Variants in TDG observed in about 807,000 individuals in gnomAD.
TDG encodes the protein thymine DNA glycosylase, also known as G/T mismatch-specific thymine DNA glycosylase.
Under a neutral mutation model 46.1 loss-of-function variants are expected in TDG, and 23 were observed. The observed-to-expected ratio is 0.50, with a 90% CI of 0.36 to 0.71. TDG has a LOEUF of 0.71. Among genes scored for constraint, TDG ranks in the 30% least tolerant of loss-of-function variants. The probability of loss-of-function intolerance (pLI) is 0.00; values close to 1 mark genes in which losing one functional copy is unlikely to be tolerated. For synonymous variants in TDG, 115 were observed against 161.3 expected, an observed-to-expected ratio of 0.71 and a Z score of 2.18; for missense variants, 304 against 486.7, an observed-to-expected ratio of 0.62 and a Z score of 3.53.
At chr12:103,972,186 T>A (rs1871317046) in intron 1 of TDG, among the ~76,000 whole-genome samples, 1 of 152,208 alleles carries the variant, frequency 6.6e-6, no homozygotes, top group Non-Finnish European at 1.5e-5. Context: ...TGGTACGATC[T>A]TGGCTTACTG....
chr12:103,981,762 C>T (rs1490713914), intron 4 of TDG, among the ~76,000 whole-genome samples: 4 of 152,156 alleles, frequency 2.6e-5, no homozygotes, highest in African/African-American at 9.7e-5. Flanking sequence ...GTAATCCCAA[C>T]ACTTTGGGAG....
At chr12:103,985,001 A>G in intron 8 of TDG, 81 bp downstream of exon 8, 2 of 1,129,052 alleles carry the variant, frequency 1.8e-6, no homozygotes, top group South Asian at 4.2e-5. Context: ...ATACACATAT[A>G]CATATATACA....
In TDG at chr12:103,988,046, A is replaced by G. The variant is rs1344873737; in HGVS notation, c.*956A>G. On this transcript the variant is annotated 3_prime_UTR_variant, in exon 10 of 10. Coordinates refer to ENST00000392872, the MANE Select transcript of TDG (RefSeq NM_003211.6). Reference sequence around the variant, plus strand: ...GCTAGGTAAATCCAGTAAGCCAATAATTTTAAAGATTCTTTATCTGCATCA... The same window carrying G: ...GCTAGGTAAATCCAGTAAGCCAATAGTTTTAAAGATTCTTTATCTGCATCA... 2.0e-5 allele frequency: 3 copies of G among 152,728 alleles called. No homozygotes were observed. Among genetic ancestry groups the G allele is most frequent in the African/African-American group, 7.2e-5 (3 of 41,486 alleles). 9.5% of individuals were successfully genotyped at this position (152,728 alleles called of 1,614,324 possible). A position where few individuals can be genotyped will look rare whatever the true frequency, so the allele number is the denominator to read the frequency against.
At chr12:103,982,706 A>G in intron 4 of TDG, 93 bp from the exon 5 acceptor site, 1 of 1,375,142 alleles carries the variant, frequency 7.3e-7, no homozygotes, top group South Asian at 1.3e-5. Context: ...TCGAGGCTGC[A>G]CTGAGCCATG....
At chr12:103,977,169 C>G (rs1243102105) in intron 2 of TDG, 109 bp downstream of exon 2, 1 of 1,450,836 alleles carries the variant, frequency 6.9e-7, no homozygotes, top group East Asian at 2.4e-5. Context: ...AAAGTCAAAT[C>G]CACTTTTTAA....
intron 1 of TDG, among the ~76,000 whole-genome samples, chr12:103,968,660 G>A (rs1390782177): frequency 6.6e-6 from 1 of 152,184 alleles, no homozygotes; most frequent in African/African-American, 2.4e-5. Flanking sequence ...GCCTGCGTGT[G>A]TTGTGTTTCA....
At chr12:103,974,868 G>A (rs1011936887) in intron 1 of TDG, among the ~76,000 whole-genome samples, 35 of 151,540 alleles carry the variant, frequency 2.3e-4, no homozygotes, top group African/African-American at 8.0e-4. Flanking sequence ...CCAGCTACTC[G>A]GGAGGCTGAG....
At chr12:103,986,007 C>A (rs4135130) in intron 9 of TDG, among the ~76,000 whole-genome samples, 5,350 of 152,228 alleles carry the variant, frequency 0.035, 138 homozygotes, top group Middle Eastern at 0.061. Context: ...GCAAGCTCCC[C>A]CTCCTGGGTT....
chr12:103,980,146 A>C, intron 3 of TDG, 74 bp downstream of exon 3: 1 of 1,587,404 alleles, frequency 6.3e-7, no homozygotes, highest in South Asian at 1.2e-5. Flanking sequence ...TGTCCTTGCA[A>C]ATAGCATTTT....
intron 1 of TDG, 23 bp downstream of exon 1, chr12:103,966,083 C>A (rs55724185): frequency 5.8e-6 from 9 of 1,557,822 alleles, no homozygotes; most frequent in Non-Finnish European, 3.5e-6. Flanking sequence ...CCAGCGCCGC[C>A]CCTCCCTTGC....
chr12:103,981,226 C>CTTTTTTTT (rs11314473), intron 4 of TDG, among the ~76,000 whole-genome samples: 2 of 69,412 alleles, frequency 2.9e-5, no homozygotes, highest in Non-Finnish European at 5.3e-5. Flanking sequence ...AGTTGTACTA[C>CTTTTTTTT]TTTTTTTTTT....
intron 2 of TDG, 132 bp from the exon 3 acceptor site, chr12:103,979,699 A>G: frequency 8.9e-7 from 1 of 1,125,208 alleles, no homozygotes; most frequent in Non-Finnish European, 1.2e-6. Context: ...GAGGAGACTC[A>G]TGTTGGGACT....
rs138021216 is a variant in TDG, at chr12:103,979,661, T to C, written c.167-170T>C. ...ATGGGGGGTTGCACGAACCCAGTTC[T>C]AGGGAGAAAGAAAGGGAAGATATTG... On this transcript the variant is annotated intron_variant, in intron 2 of 9. Coordinates refer to ENST00000392872, the MANE Select transcript of TDG (RefSeq NM_003211.6). 6.4e-4 allele frequency among the ~76,000 whole-genome samples: 97 copies of C among 152,200 alleles called. 3 individuals carry two copies. In the East Asian group the frequency reaches 0.015, roughly 23 times the overall value.
chr12:103,971,600 G>A (rs115748081), intron 1 of TDG, among the ~76,000 whole-genome samples: 36 of 152,100 alleles, frequency 2.4e-4, no homozygotes, highest in African/African-American at 7.7e-4. Context: ...ATCTATGAGC[G>A]CTGCAGTTCA....
chr12:103,982,434 C>T (rs1871886828), intron 4 of TDG, among the ~76,000 whole-genome samples: 7 of 152,126 alleles, frequency 4.6e-5, no homozygotes. Context: ...CCTCAACCCC[C>T]TGTGAAAAGG....
At chr12:103,976,886 T>G in intron 1 of TDG, 32 bp from the exon 2 acceptor site, 1 of 1,608,718 alleles carries the variant, frequency 6.2e-7, no homozygotes. Context: ...GGTAATTTTA[T>G]CATTACATCT....
chr12:103,975,616 G>A (rs766538766), intron 1 of TDG, among the ~76,000 whole-genome samples: 6 of 152,064 alleles, frequency 3.9e-5, no homozygotes, highest in Non-Finnish European at 7.4e-5. Flanking sequence ...TGTGATAATA[G>A]CATTAACCCA....
intron 2 of TDG, among the ~76,000 whole-genome samples, chr12:103,979,087 A>G (rs1264545112): frequency 1.6e-5 from 2 of 128,174 alleles, no homozygotes; most frequent in African/African-American, 6.2e-5. Context: ...CCCACAAGCC[A>G]TTGTGTTTTT....
Position 103,988,039 on chromosome 12 carries a change from G to C in TDG, c.*949G>C, listed in dbSNP as rs1169650975. 6.5e-6 allele frequency: 1 copy of C among 152,710 alleles called. No homozygotes were observed. Among genetic ancestry groups the C allele is most frequent in the African/African-American group, 2.4e-5 (1 of 41,484 alleles). The allele number at this position is 152,710 out of a possible 1,614,324, so 9.5% of individuals were successfully genotyped here. The stretch of plus-strand genomic sequence containing the variant: ...TTTTCTTGCTAGGTAAATCCAGTAA[G>C]CCAATAATTTTAAAGATTCTTTATC... On this transcript the variant is annotated 3_prime_UTR_variant, in exon 10 of 10. Coordinates refer to ENST00000392872, the MANE Select transcript of TDG (RefSeq NM_003211.6).
Sources: allele counts gnomAD v4.1 joint callset (sites outside exome capture counted in the v4.1 genomes callset), GRCh38; gene constraint gnomAD v4.1.1; transcripts MANE v1.5; gene names NCBI Gene and HGNC (gene_info 2026-07-23, HGNC 2026-07-21).